Variants in MYOM1 observed in about 807,000 individuals in gnomAD.
MYOM1 encodes the protein myomesin-1.
A neutral mutation model predicts 205.3 loss-of-function variants in MYOM1; 164 were observed. That is an observed-to-expected ratio of 0.80 (90% confidence interval 0.70 to 0.91). The LOEUF (loss-of-function observed/expected upper bound fraction) is 0.91, where lower values mean the gene tolerates loss of function less well. MYOM1 is among the 40% of genes least tolerant of loss of function. The pLI, the probability that MYOM1 is intolerant of heterozygous loss-of-function variation, is 0.00. For synonymous variants in MYOM1, 772 were observed against 789.4 expected, an observed-to-expected ratio of 0.98 and a Z score of 0.37; for missense variants, 2,011 against 2,127.3, an observed-to-expected ratio of 0.95 and a Z score of 1.08.
chr18:3,101,472 C>T (rs11081005), intron 23 of MYOM1, among the ~76,000 whole-genome samples: 56,691 of 151,928 alleles, frequency 0.37, 11,704 homozygotes, highest in Admixed American at 0.51. Flanking sequence ...AAAAGAAATC[C>T]GAGGTTTATG....
intron 21 of MYOM1, among the ~76,000 whole-genome samples, chr18:3,115,443 AG>A (rs2079591050): frequency 6.6e-6 from 1 of 152,164 alleles, no homozygotes; most frequent in African/African-American, 2.4e-5. Flanking sequence ...CAGGTCAGGG[AG>A]AGATCTTTTT....
chr18:3,076,968 T>G (rs990903707), intron 34 of MYOM1, among the ~76,000 whole-genome samples: 1 of 151,384 alleles, frequency 6.6e-6, no homozygotes, highest in Non-Finnish European at 1.5e-5. Context: ...CGCTTTGGCC[T>G]CCCAAACTGC....
intron 12 of MYOM1, 124 bp downstream of exon 12, chr18:3,151,570 A>G: frequency 6.4e-6 from 5 of 777,002 alleles, no homozygotes; most frequent in East Asian, 2.9e-5. Context: ...TTCTGATGAA[A>G]AAAGGATTTC....
At chr18:3,110,659 G>C (rs148939027) in intron 22 of MYOM1, among the ~76,000 whole-genome samples, 108 of 152,100 alleles carry the variant, frequency 7.1e-4, no homozygotes, top group African/African-American at 2.5e-3. Context: ...TTTCACACTG[G>C]AATTACCCAA....
In MYOM1 at chr18:3,100,345, T is replaced by G. The variant is rs779799272; in HGVS notation, c.3657A>C (p.Ala1219=). 1.4e-5 allele frequency: 23 copies of G among 1,613,842 alleles called. No individual in the cohort carries two copies. The highest frequency in any genetic ancestry group is 1.9e-5 in the Non-Finnish European group (22 of 1,179,846). The change falls in exon 24 of 38, where the codon GCA becomes GCC. Residue 1219 remains alanine, a synonymous_variant. Transcript: ENST00000356443. ...SCDVTDTDGI[A]SSYLIDEEEL... ...CTTCCTCATCTATTAAGTAGCTTGATGCTATTCCATCAGTGTCTGTTACAT... is the reference window on the plus strand; with the variant it reads ...CTTCCTCATCTATTAAGTAGCTTGAGGCTATTCCATCAGTGTCTGTTACAT...
intron 16 of MYOM1, 39 bp downstream of exon 16, chr18:3,134,611 C>T (rs1161279888): frequency 1.9e-6 from 3 of 1,569,020 alleles, no homozygotes; most frequent in South Asian, 1.2e-5. Flanking sequence ...ATGGCAGCTC[C>T]AGAGGCCATT....
At chr18:3,143,742 A>C (rs1032207228) in intron 13 of MYOM1, among the ~76,000 whole-genome samples, 14 of 151,784 alleles carry the variant, frequency 9.2e-5, no homozygotes, top group African/African-American at 3.4e-4. Flanking sequence ...CTCTACAAAA[A>C]ATACAAAAAT....
chr18:3,118,017 G>A (rs937753114), intron 20 of MYOM1, among the ~76,000 whole-genome samples: 4 of 152,108 alleles, frequency 2.6e-5, no homozygotes, highest in African/African-American at 9.7e-5. Context: ...CTGCCCTACA[G>A]ATGAGGAACT....
the MYOM1 span, among the ~76,000 whole-genome samples, chr18:3,237,254 C>T: frequency 6.6e-6 from 1 of 152,072 alleles, no homozygotes; most frequent in Non-Finnish European, 1.5e-5. Flanking sequence ...AACAAATGAA[C>T]AGATAAGGAA....
At chr18:3,119,534 G>T (rs1261838046) in intron 20 of MYOM1, among the ~76,000 whole-genome samples, 1 of 152,118 alleles carries the variant, frequency 6.6e-6, no homozygotes, top group African/African-American at 2.4e-5. Context: ...ACCTTTAAGT[G>T]GCCTTTCAGA....
At chr18:3,211,429 T>C (rs1186726998) in intron 2 of MYOM1, among the ~76,000 whole-genome samples, 1 of 152,120 alleles carries the variant, frequency 6.6e-6, no homozygotes, top group Non-Finnish European at 1.5e-5. Context: ...TCCAGAAAAA[T>C]TCTCATCTGT....
chr18:3,245,445 G>A, the MYOM1 span, among the ~76,000 whole-genome samples: 2 of 152,154 alleles, frequency 1.3e-5, no homozygotes, highest in African/African-American at 4.8e-5. Context: ...TCACATGGAG[G>A]CAAAGATCTC....
chr18:3,089,855 G>A (rs1205611012), intron 27 of MYOM1, among the ~76,000 whole-genome samples: 2 of 152,128 alleles, frequency 1.3e-5, no homozygotes, highest in Non-Finnish European at 2.9e-5. Context: ...CATTGCCTTC[G>A]TAACTGCCAC....
intron 33 of MYOM1, among the ~76,000 whole-genome samples, chr18:3,081,963 T>C (rs950003537): frequency 6.6e-6 from 1 of 152,222 alleles, no homozygotes; most frequent in African/African-American, 2.4e-5. Context: ...GGGACCGGTT[T>C]CATGGAAGAC....
At chr18:3,218,283 C>A (rs550427428) in intron 1 of MYOM1, among the ~76,000 whole-genome samples, 2 of 152,234 alleles carry the variant, frequency 1.3e-5, no homozygotes, top group East Asian at 3.9e-4. Context: ...CTGTTTTCTC[C>A]AAATGTCATT....
chr18:3,084,952 C>T (rs2079132246), intron 31 of MYOM1, 93 bp downstream of exon 31: 1 of 972,768 alleles, frequency 1.0e-6, no homozygotes, highest in Non-Finnish European at 1.5e-6. Flanking sequence ...AAAAAATCAG[C>T]ATGATTTCAA....
chr18:3,111,623 AAC>A (rs1226451912), intron 22 of MYOM1, among the ~76,000 whole-genome samples: 1 of 152,242 alleles, frequency 6.6e-6, no homozygotes, highest in Non-Finnish European at 1.5e-5. Flanking sequence ...ACTATTTCAA[AAC>A]ACAGGAAAAT....
rs201735572 is a variant in MYOM1 at position 3,151,904 on chromosome 18, G to A, written c.1644-11C>T. On this transcript the variant is annotated splice_polypyrimidine_tract_variant and intron_variant, in intron 11 of 37. Transcript: ENST00000356443. ...GTGCCCACCTCACACCTAAAGGAAT[G>A]AGCGTGATTGACAAAAATATTAAAA... 118 of 1,605,480 alleles carry A rather than the reference G, an allele frequency of 7.3e-5. No homozygotes were observed. In the African/African-American group the frequency reaches 9.6e-4, roughly 13 times the overall value.
At chr18:3,171,942 T>C (rs1313238941) in intron 8 of MYOM1, among the ~76,000 whole-genome samples, 1 of 152,110 alleles carries the variant, frequency 6.6e-6, no homozygotes, top group East Asian at 1.9e-4. Context: ...GAAATAATGG[T>C]TTAGAATTAA....
Sources: allele counts gnomAD v4.1 joint callset (sites outside exome capture counted in the v4.1 genomes callset), GRCh38; gene constraint gnomAD v4.1.1; transcripts MANE v1.5; gene names NCBI Gene and HGNC (gene_info 2026-07-23, HGNC 2026-07-21).